The following PCDH9 variants were observed in gnomAD, a reference collection of about 807,000 sequenced individuals.
The protein encoded by PCDH9 is protocadherin-9.
A neutral mutation model predicts 70.6 loss-of-function variants in PCDH9; 24 were observed. The ratio of observed to expected loss-of-function variants is 0.34; its 90% CI spans 0.25 to 0.48. The LOEUF is 0.48. PCDH9 is among the 20% of genes least tolerant of loss of function. The pLI is 0.99. For synonymous variants in PCDH9, 562 were observed against 558.5 expected, an observed-to-expected ratio of 1.01 and a Z score of -0.09; for missense variants, 1,281 against 1,503.6, an observed-to-expected ratio of 0.85 and a Z score of 2.45.
intron 2 of PCDH9, among the ~76,000 whole-genome samples, chr13:66,986,082 G>A (rs1245281739): frequency 6.6e-6 from 1 of 151,976 alleles, no homozygotes; most frequent in African/African-American, 2.4e-5. Flanking sequence ...GTTCTGCATG[G>A]CTGGGGAGGC....
chr13:66,372,959 A>T (rs1300573873), intron 4 of PCDH9, among the ~76,000 whole-genome samples: 1 of 151,956 alleles, frequency 6.6e-6, no homozygotes, highest in South Asian at 2.1e-4. Context: ...TACACAATCT[A>T]GCAATACCAC....
At chr13:67,201,845 C>G (rs1055226457) in intron 2 of PCDH9, 4 of 151,964 alleles carry the variant, frequency 2.6e-5, no homozygotes, top group Non-Finnish European at 4.4e-5. Flanking sequence ...ATTTAATATA[C>G]TGTACTGTAA....
chr13:67,143,475 T>A (rs1566452494), intron 2 of PCDH9, among the ~76,000 whole-genome samples: 1 of 152,174 alleles, frequency 6.6e-6, no homozygotes, highest in Non-Finnish European at 1.5e-5. Flanking sequence ...ATGGATCAAG[T>A]ACCAGGTCAT....
intron 2 of PCDH9, among the ~76,000 whole-genome samples, chr13:66,929,149 C>T (rs1338048766): frequency 6.6e-6 from 1 of 151,856 alleles, no homozygotes; most frequent in African/African-American, 2.4e-5. Flanking sequence ...AACATAGAAA[C>T]TTATGCTATC....
At chr13:66,906,862 C>T (rs2082369935) in intron 2 of PCDH9, among the ~76,000 whole-genome samples, 1 of 151,960 alleles carries the variant, frequency 6.6e-6, no homozygotes, top group Admixed American at 6.6e-5. Flanking sequence ...TCCTCCCTAA[C>T]AAATTTCTAC....
chr13:66,978,032 A>T (rs1057259739), intron 2 of PCDH9, among the ~76,000 whole-genome samples: 1 of 152,206 alleles, frequency 6.6e-6, no homozygotes, highest in Admixed American at 6.5e-5. Context: ...GCCCTTTCGT[A>T]AGTGAAAAGA....
chr13:66,880,758 A>G (rs1047245508), intron 3 of PCDH9, among the ~76,000 whole-genome samples: 1 of 152,252 alleles, frequency 6.6e-6, no homozygotes, highest in Admixed American at 6.5e-5. Context: ...AATAAGGCAT[A>G]GAATGGGCAC....
intron 4 of PCDH9, among the ~76,000 whole-genome samples, chr13:66,542,433 G>GT (rs1961000277): frequency 6.6e-6 from 1 of 151,700 alleles, no homozygotes; most frequent in African/African-American, 2.4e-5. Context: ...CACTAATGTG[G>GT]GTGTGCCTTG....
At chr13:66,364,012 G>A (rs764790213) in intron 4 of PCDH9, among the ~76,000 whole-genome samples, 7 of 152,004 alleles carry the variant, frequency 4.6e-5, no homozygotes, top group South Asian at 2.1e-4. Context: ...AAAATTAGCC[G>A]GGTATGTTGG....
chr13:67,084,997 A>AATATATATATAT lies in PCDH9; in HGVS notation c.3036+140396_3036+140407dup, dbSNP rs763373225. Reference sequence around the variant, plus strand: ...AAAAAAAAAAAAAAAAAAAAAAAAAAATATATATATATATATATATATATA... The same window carrying AATATATATATAT: ...AAAAAAAAAAAAAAAAAAAAAAAAAAATATATATATATATATATATATATATATATATATATA... On this transcript the variant is annotated intron_variant, in intron 2 of 4. Coordinates refer to ENST00000377865, the MANE Select transcript of PCDH9 (RefSeq NM_203487.3). Among the ~76,000 whole-genome samples the AATATATATATAT allele has an allele frequency of 6.5e-3, 216 of 33,180 alleles. 3 individuals carry two copies. The highest frequency in any genetic ancestry group is 0.011 in the East Asian group (9 of 838). The allele number at this position is 33,180 out of a possible 152,430, so 21.8% of individuals were successfully genotyped here.
chr13:66,797,456 A>G (rs1042232699), intron 3 of PCDH9, among the ~76,000 whole-genome samples: 4 of 152,200 alleles, frequency 2.6e-5, no homozygotes, highest in Admixed American at 6.5e-5. Flanking sequence ...TACGGTTATT[A>G]GAGAATAAAT....
At chr13:67,151,191 T>C (rs529218567) in intron 2 of PCDH9, among the ~76,000 whole-genome samples, 1 of 151,340 alleles carries the variant, frequency 6.6e-6, no homozygotes, top group African/African-American at 2.4e-5. Flanking sequence ...TAGCTCCTTT[T>C]TTAAAAAAAA....
intron 2 of PCDH9, among the ~76,000 whole-genome samples, chr13:67,152,500 T>C (rs1245616008): frequency 6.6e-6 from 1 of 152,244 alleles, no homozygotes; most frequent in Non-Finnish European, 1.5e-5. Context: ...ATATCTTTGG[T>C]AGATAGCAGA....
intron 2 of PCDH9, among the ~76,000 whole-genome samples, chr13:66,906,669 T>C (rs781238779): frequency 5.3e-5 from 8 of 152,206 alleles, no homozygotes; most frequent in Non-Finnish European, 8.8e-5. Flanking sequence ...TAACTTACTG[T>C]TCTTTCCTTA....
intron 4 of PCDH9, among the ~76,000 whole-genome samples, chr13:66,594,942 A>G (rs2077083966): frequency 6.6e-6 from 1 of 151,472 alleles, no homozygotes; most frequent in African/African-American, 2.4e-5. Context: ...TAATGTTGAA[A>G]GTAACGGAAG....
intron 2 of PCDH9, among the ~76,000 whole-genome samples, chr13:67,024,360 G>A (rs936988647): frequency 6.6e-6 from 1 of 152,102 alleles, no homozygotes; most frequent in Non-Finnish European, 1.5e-5. Context: ...TGTCTATGTT[G>A]AGGTGTGCAG....
At chr13:66,477,860 C>T (rs567905904) in intron 4 of PCDH9, among the ~76,000 whole-genome samples, 1 of 152,210 alleles carries the variant, frequency 6.6e-6, no homozygotes, top group East Asian at 1.9e-4. Context: ...TGCATAAACT[C>T]GTAATTCTCT....
At chr13:67,107,428 A>G (rs536400978) in intron 2 of PCDH9, among the ~76,000 whole-genome samples, 1 of 152,262 alleles carries the variant, frequency 6.6e-6, no homozygotes, top group South Asian at 2.1e-4. Context: ...AGACTCACAG[A>G]GACATTGGGA....
chr13:66,574,452 G>A (rs1236347892), intron 4 of PCDH9, among the ~76,000 whole-genome samples: 1 of 152,098 alleles, frequency 6.6e-6, no homozygotes, highest in Admixed American at 6.5e-5. Context: ...TGATATACAA[G>A]CTACCCACAC....
Sources: gnomAD v4.1 joint callset for allele counts (sites outside exome capture counted in the v4.1 genomes callset) on GRCh38, gnomAD v4.1.1 for gene constraint, MANE v1.5 for transcripts, NCBI Gene and HGNC (gene_info 2026-07-23, HGNC 2026-07-21) for gene names.